The following QKI variants were observed in gnomAD, a reference collection of about 807,000 sequenced individuals.
QKI encodes QKI, KH domain containing RNA binding.
Under a neutral mutation model 39.0 loss-of-function variants are expected in QKI, and 10 were observed. The observed-to-expected ratio is 0.26, with a 90% CI of 0.16 to 0.43. The LOEUF (loss-of-function observed/expected upper bound fraction) is 0.43. Ranked by LOEUF, QKI falls within the 20% of genes least tolerant of loss-of-function variation. QKI has a pLI of 1.00. For missense variants in QKI, 218 were observed against 428.0 expected, an observed-to-expected ratio of 0.51 and a Z score of 4.33; for synonymous variants, 204 against 155.4, an observed-to-expected ratio of 1.31 and a Z score of -2.33.
At chr6:163,508,253 A>G (rs994353490) in intron 3 of QKI, among the ~76,000 whole-genome samples, 5 of 152,178 alleles carry the variant, frequency 3.3e-5, no homozygotes. Context: ...CACAAATTTG[A>G]TGAAAGACAT....
chr6:163,520,793 C>T (rs1345360188), intron 3 of QKI, among the ~76,000 whole-genome samples: 3 of 152,178 alleles, frequency 2.0e-5, no homozygotes, highest in Non-Finnish European at 4.4e-5. Flanking sequence ...ATTTAATATA[C>T]TCTGCTGCAT....
At chr6:163,461,390 C>T (rs1791338788) in intron 2 of QKI, among the ~76,000 whole-genome samples, 1 of 152,144 alleles carries the variant, frequency 6.6e-6, no homozygotes, top group Non-Finnish European at 1.5e-5. Flanking sequence ...AAAATGCAGG[C>T]ACTTTCTTTT....
intron 2 of QKI, among the ~76,000 whole-genome samples, chr6:163,478,217 T>G (rs1792778494): frequency 6.6e-6 from 1 of 152,348 alleles, no homozygotes; most frequent in African/African-American, 2.4e-5. Flanking sequence ...TTTAGGTTTC[T>G]TATAAGTTAA....
At chr6:163,483,203 T>C (rs1048191799) in intron 3 of QKI, among the ~76,000 whole-genome samples, 1 of 152,222 alleles carries the variant, frequency 6.6e-6, no homozygotes, top group African/African-American at 2.4e-5. Flanking sequence ...ACTTTATTGC[T>C]GAAAAATGCT....
chr6:163,422,664 T>C (rs1486125879), intron 1 of QKI, among the ~76,000 whole-genome samples: 3 of 152,148 alleles, frequency 2.0e-5, no homozygotes, highest in Non-Finnish European at 4.4e-5. Flanking sequence ...GTAAAGGGCA[T>C]GTGTGTGCAG....
At chr6:163,526,442 G>A in intron 3 of QKI, among the ~76,000 whole-genome samples, 1 of 152,152 alleles carries the variant, frequency 6.6e-6, no homozygotes, top group Non-Finnish European at 1.5e-5. Context: ...TTAGTGAAAG[G>A]ATTCTTTTAA....
In QKI at chr6:163,563,774, C is replaced by T. The variant is rs760476034; in HGVS notation, c.934+55C>T. On this transcript the variant is annotated intron_variant, in intron 6 of 7. Coordinates refer to ENST00000361752, the MANE Select transcript of QKI (RefSeq NM_006775.3). Reference sequence around the variant, plus strand: ...CATTCTCTTTATAAATATTTTTGCTCCCTCAGATTTTGAAATGATTTTATC... The same window carrying T: ...CATTCTCTTTATAAATATTTTTGCTTCCTCAGATTTTGAAATGATTTTATC... 2.6e-6 allele frequency: 4 copies of T among 1,545,036 alleles called. No individual in the cohort carries two copies. The South Asian group carries it at 3.8e-5, about 15-fold the overall frequency.
intron 1 of QKI, among the ~76,000 whole-genome samples, chr6:163,441,810 T>G (rs1343662894): frequency 6.6e-6 from 1 of 152,132 alleles, no homozygotes; most frequent in Non-Finnish European, 1.5e-5. Context: ...TAGCAATTCC[T>G]TGTGTGGACT....
chr6:163,486,014 C>T (rs970887685), intron 3 of QKI, among the ~76,000 whole-genome samples: 11 of 152,162 alleles, frequency 7.2e-5, no homozygotes, highest in Non-Finnish European at 1.0e-4. Flanking sequence ...CTTCCTGGGC[C>T]GCATGCGGCC....
At chr6:163,549,542 C>T (rs1255374209) in intron 4 of QKI, among the ~76,000 whole-genome samples, 1 of 152,068 alleles carries the variant, frequency 6.6e-6, no homozygotes, top group African/African-American at 2.4e-5. Context: ...GAATCCCCAT[C>T]TTTACGAAAA....
chr6:163,415,178 C>G lies in QKI; in HGVS notation c.-16C>G, dbSNP rs372310908. 1 of 1,525,028 alleles carries G rather than the reference C, an allele frequency of 6.6e-7. No individual in the cohort carries two copies. Among genetic ancestry groups the G allele is most frequent in the Admixed American group, 1.8e-5 (1 of 54,268 alleles). 94.5% of individuals were successfully genotyped at this position (1,525,028 alleles called of 1,614,324 possible). ...CGGCGGCGGCGGCGGGCGGAGTGAG[C>G]TGCGGAGCCTGGAATATGGTCGGGG... On this transcript the variant is annotated 5_prime_UTR_variant, in exon 1 of 8. Coordinates refer to ENST00000361752, the MANE Select transcript of QKI (RefSeq NM_006775.3).
rs139452092 is a variant in QKI, at chr6:163,519,390, C to G, written c.403-15592C>G. ...CTTGACAAAAGGGGACCTCAGAGAT[C>G]GTGCCAGATTTCCTGTGGGCCTTAA... On this transcript the variant is annotated intron_variant, in intron 3 of 7. Transcript: ENST00000361752. 4.2e-4 allele frequency among the ~76,000 whole-genome samples: 64 copies of G among 152,002 alleles called. 2 individuals carry two copies. In the South Asian group the frequency reaches 0.011, roughly 27 times the overall value.
chr6:163,522,538 C>A (rs925083513), intron 3 of QKI, among the ~76,000 whole-genome samples: 1 of 151,872 alleles, frequency 6.6e-6, no homozygotes, highest in Non-Finnish European at 1.5e-5. Context: ...GTAACCAGTT[C>A]TTTTCATTTT....
chr6:163,442,872 C>T (rs1464612169), intron 1 of QKI, among the ~76,000 whole-genome samples: 1 of 152,078 alleles, frequency 6.6e-6, no homozygotes, highest in East Asian at 1.9e-4. Context: ...TATTTAGCTT[C>T]TAATCAGTTA....
chr6:163,450,012 A>G (rs1790428135), intron 1 of QKI, among the ~76,000 whole-genome samples: 1 of 152,032 alleles, frequency 6.6e-6, no homozygotes. Context: ...ACATATATGT[A>G]TAACATATAT....
intron 2 of QKI, among the ~76,000 whole-genome samples, chr6:163,473,481 G>C (rs901210306): frequency 4.6e-5 from 7 of 151,978 alleles, no homozygotes; most frequent in Non-Finnish European, 1.0e-4. Context: ...AACAAAAGCA[G>C]GTTCTTTTAA....
intron 3 of QKI, among the ~76,000 whole-genome samples, chr6:163,517,035 GACACAC>G (rs111701494): frequency 3.4e-5 from 5 of 145,628 alleles, no homozygotes; most frequent in Non-Finnish European, 4.5e-5. Context: ...AGCAGTAGGG[GACACAC>G]ACACACACAC....
intron 1 of QKI, chr6:163,416,060 G>T (rs947948480): frequency 3.0e-5 from 5 of 168,454 alleles, no homozygotes; most frequent in African/African-American, 7.4e-5. Flanking sequence ...GGGGTGGGGG[G>T]GGGGGGGGTG....
intron 7 of QKI, chr6:163,568,500 A>G (rs993337235): frequency 1.0e-6 from 1 of 985,478 alleles, no homozygotes; most frequent in Non-Finnish European, 1.2e-6. Context: ...CGAAATGCTC[A>G]TTTCTTTTTT....
Sources: gnomAD v4.1 joint callset for allele counts (sites outside exome capture counted in the v4.1 genomes callset) on GRCh38, gnomAD v4.1.1 for gene constraint, MANE v1.5 for transcripts, NCBI Gene and HGNC (gene_info 2026-07-23, HGNC 2026-07-21) for gene names.